Variants in CRHR2 observed in about 807,000 individuals in gnomAD.
CRHR2 encodes corticotropin releasing hormone receptor 2.
Under a neutral mutation model 57.9 loss-of-function variants are expected in CRHR2, and 53 were observed. The observed-to-expected ratio is 0.92, with a 90% CI of 0.73 to 1.15. The LOEUF is 1.15. Among genes scored for constraint, CRHR2 ranks in the 50% most tolerant of loss-of-function variants. The pLI is 0.00. For missense variants in CRHR2, 532 were observed against 542.6 expected (o/e 0.98, Z 0.19); for synonymous variants, 213 against 220.9 (o/e 0.96, Z 0.32).
At chr7:30,681,352 G>A (rs373416517) in intron 2 of CRHR2, among the ~76,000 whole-genome samples, 1 of 152,162 alleles carries the variant, frequency 6.6e-6, no homozygotes, top group African/African-American at 2.4e-5. Context: ...CTCGGATTAG[G>A]GAAGATGCAA....
At chr7:30,691,008 A>T (rs1396598538) in intron 1 of CRHR2, among the ~76,000 whole-genome samples, 1 of 151,548 alleles carries the variant, frequency 6.6e-6, no homozygotes, top group African/African-American at 2.4e-5. Flanking sequence ...ATATCAAGGG[A>T]GCTGCTGAGA....
At chr7:30,674,005 T>C (rs1284549801) in intron 2 of CRHR2, among the ~76,000 whole-genome samples, 1 of 152,156 alleles carries the variant, frequency 6.6e-6, no homozygotes, top group African/African-American at 2.4e-5. Context: ...TGGATTCCAT[T>C]TCTTAGTGTT....
In CRHR2 at chr7:30,662,679, C is replaced by T. The variant is rs746306361; in HGVS notation, c.697+15G>A. On this transcript the variant is annotated intron_variant, in intron 6 of 11. Coordinates refer to ENST00000471646, the MANE Select transcript of CRHR2 (RefSeq NM_001883.5). The stretch of plus-strand genomic sequence containing the variant: ...CCTCCCCCCAACTAGGCCCTGCTGC[C>T]CCTGGGACCCTCACACCATCCGATG... 27 of 1,610,096 alleles carry T rather than the reference C, an allele frequency of 1.7e-5. No individual in the cohort carries two copies. The highest frequency in any genetic ancestry group is 2.3e-5 in the Non-Finnish European group (27 of 1,177,184).
intron 2 of CRHR2, among the ~76,000 whole-genome samples, chr7:30,679,997 G>C (rs533690289): frequency 6.6e-6 from 1 of 152,310 alleles, no homozygotes; most frequent in East Asian, 1.9e-4. Context: ...GAAGAAAATT[G>C]TTCATTAGAT....
intron 2 of CRHR2, among the ~76,000 whole-genome samples, chr7:30,688,645 G>T (rs1296352116): frequency 6.6e-6 from 1 of 152,194 alleles, no homozygotes; most frequent in East Asian, 1.9e-4. Flanking sequence ...ATGCAGACCT[G>T]GGAAGGCCAG....
chr7:30,668,903 C>A (rs375414922), intron 2 of CRHR2, among the ~76,000 whole-genome samples: 11 of 152,220 alleles, frequency 7.2e-5, no homozygotes, highest in African/African-American at 2.4e-4. Flanking sequence ...CTAGCCATGG[C>A]GCCCAACTCC....
chr7:30,675,771 C>T (rs531169918), intron 2 of CRHR2, among the ~76,000 whole-genome samples: 1 of 152,196 alleles, frequency 6.6e-6, no homozygotes, highest in South Asian at 2.1e-4. Context: ...TACTTGGGAG[C>T]CTATATCAAA....
chr7:30,699,895 T>A (rs1394352436), intron 1 of CRHR2: 1 of 1,425,440 alleles, frequency 7.0e-7, no homozygotes, highest in African/African-American at 1.5e-5. Context: ...AGCTGGGAGC[T>A]CCGTGCTCCT....
intron 1 of CRHR2, among the ~76,000 whole-genome samples, chr7:30,692,745 A>G (rs967769535): frequency 4.6e-5 from 7 of 152,216 alleles, no homozygotes; most frequent in Non-Finnish European, 8.8e-5. Context: ...GCCCTACAGA[A>G]GACAGCGGAT....
At chr7:30,693,092 C>T (rs760008716) in intron 1 of CRHR2, among the ~76,000 whole-genome samples, 3 of 152,154 alleles carry the variant, frequency 2.0e-5, no homozygotes, top group South Asian at 2.1e-4. Flanking sequence ...ACCTGGGTCA[C>T]GGGAGGCAGA....
At chr7:30,683,289 C>T (rs1784783231), upstream of CRHR2, among the ~76,000 whole-genome samples, 1 of 152,246 alleles carries the variant, frequency 6.6e-6, no homozygotes, top group Non-Finnish European at 1.5e-5. Context: ...ATGTGTCTCT[C>T]TTCCTCAAGG....
In CRHR2 at chr7:30,653,570, G is replaced by A. The variant is rs370392453; in HGVS notation, c.1126C>T (p.Arg376Cys). The change falls in exon 12 of 12, where the codon CGC becomes TGC. Residue 376 changes from arginine to cysteine, a missense_variant. By Grantham distance (180) the Arg-to-Cys change is radical. Transcript: ENST00000471646. The surrounding 1 kb of genome is among the most constrained non-coding windows in gnomAD (Gnocchi z 5.0). Reference protein sequence around the residue: ...VRSAVRKRWHRWQDHHSLRVP... With the variant: ...VRSAVRKRWHCWQDHHSLRVP... ...CGAAGGGAGTGATGGTCCTGCCAGC[G>A]GTGCCACCTCTTCCTCACGGCTGAG... is the stretch of plus-strand genomic sequence containing the variant. 1.9e-5 allele frequency: 30 copies of A among 1,612,620 alleles called. No homozygotes were observed. Among genetic ancestry groups the A allele is most frequent in the Middle Eastern group, 3.3e-4 (2 of 6,080 alleles).
rs1437182305 is a variant in CRHR2 at position 30,665,490 on chromosome 7, G to T, written c.425+40C>A. 2 of 1,480,186 alleles carry T rather than the reference G, an allele frequency of 1.4e-6. 1 individual carries two copies. Among genetic ancestry groups the T allele is most frequent in the South Asian group, 2.4e-5 (2 of 82,280 alleles). 91.7% of individuals were successfully genotyped at this position (1,480,186 alleles called of 1,614,324 possible). A position where few individuals can be genotyped will look rare whatever the true frequency, so the allele number is the denominator to read the frequency against. Reference sequence around the variant, plus strand: ...GAGAGGTGAAGGGGGTGCTGTAGGGGGAGGGATGAGGAGAAAGCAAGGCGG... The same window carrying T: ...GAGAGGTGAAGGGGGTGCTGTAGGGTGAGGGATGAGGAGAAAGCAAGGCGG... On this transcript the variant is annotated intron_variant, in intron 4 of 11. Transcript: ENST00000471646. This position sits in a 1 kb window ranked among gnomAD's most constrained non-coding sequence, Gnocchi z 4.5.
upstream of CRHR2, among the ~76,000 whole-genome samples, chr7:30,684,787 C>CA (rs1393168793): frequency 6.6e-6 from 1 of 152,130 alleles, no homozygotes; most frequent in Non-Finnish European, 1.5e-5. Flanking sequence ...AGTTTGGGAA[C>CA]AAATTGATTT....
upstream of CRHR2, among the ~76,000 whole-genome samples, chr7:30,685,938 C>T (rs1269815726): frequency 2.0e-5 from 3 of 152,240 alleles, no homozygotes; most frequent in South Asian, 2.1e-4. Flanking sequence ...GAAGGTCCTT[C>T]GTAATCATCT....
chr7:30,687,213 T>C (rs1357930733), upstream of CRHR2, among the ~76,000 whole-genome samples: 2 of 152,088 alleles, frequency 1.3e-5, no homozygotes, highest in East Asian at 3.9e-4. Flanking sequence ...CATTATCAAT[T>C]TGGGGACTTG....
intron 1 of CRHR2, among the ~76,000 whole-genome samples, chr7:30,694,560 G>A (rs952971187): frequency 3.3e-5 from 5 of 152,196 alleles, no homozygotes; most frequent in African/African-American, 1.2e-4. Context: ...GAGATTTACA[G>A]GACCATGTGT....
upstream of CRHR2, chr7:30,682,552 G>C (rs1784760903): frequency 8.2e-7 from 1 of 1,217,842 alleles, no homozygotes; most frequent in Non-Finnish European, 1.0e-6. Flanking sequence ...GGGGCCGGGC[G>C]GCTCCTCTCG....
intron 5 of CRHR2, among the ~76,000 whole-genome samples, chr7:30,663,433 A>C (rs1229868485): frequency 6.6e-6 from 1 of 152,192 alleles, no homozygotes; most frequent in Non-Finnish European, 1.5e-5. Flanking sequence ...GCCCCCGGCA[A>C]GTCACTGCAC....
Sources: gnomAD v4.1 joint callset for allele counts (sites outside exome capture counted in the v4.1 genomes callset) on GRCh38, gnomAD v4.1.1 for gene constraint, Gnocchi (gnomAD v3.1) non-coding constraint, MANE v1.5 for transcripts, NCBI Gene and HGNC (gene_info 2026-07-23, HGNC 2026-07-21) for gene names.